The following EPCAM variants were observed in gnomAD, a reference collection of about 807,000 sequenced individuals.
EPCAM encodes the protein adenocarcinoma-associated antigen.
In EPCAM, 39 loss-of-function variants were observed where a neutral mutation model predicts 40.0. The ratio of observed to expected loss-of-function variants is 0.98; its 90% CI spans 0.76 to 1.27. EPCAM has a LOEUF of 1.27. Among genes scored for constraint, EPCAM ranks in the 50% most tolerant of loss-of-function variants. The probability of loss-of-function intolerance (pLI) is 0.00; values close to 1 mark genes in which losing one functional copy is unlikely to be tolerated. For missense variants in EPCAM, 503 were observed against 381.2 expected, an observed-to-expected ratio of 1.32 and a Z score of -2.66; for synonymous variants, 168 against 132.3, an observed-to-expected ratio of 1.27 and a Z score of -1.85.
intron 5 of EPCAM, 71 bp from the exon 6 acceptor site, chr2:47,378,882 C>A: frequency 1.3e-6 from 1 of 772,336 alleles, no homozygotes; most frequent in Non-Finnish European, 2.3e-6. Context: ...TTCTGATTCT[C>A]AATTAATGTT....
At chr2:47,372,976 CAGG>C (rs1671315612) in intron 1 of EPCAM, among the ~76,000 whole-genome samples, 2 of 151,862 alleles carry the variant, frequency 1.3e-5, no homozygotes, top group Admixed American at 1.3e-4. Flanking sequence ...GAGGCTGAGG[CAGG>C]AGGATTGCTT....
intron 1 of EPCAM, chr2:47,369,920 C>T (rs1171469981): frequency 1.2e-5 from 5 of 426,356 alleles, no homozygotes; most frequent in African/African-American, 1.0e-4. Context: ...GCACCCACGT[C>T]CTCGGTTCGG....
At chr2:47,378,528 C>T (rs1158139997) in intron 5 of EPCAM, among the ~76,000 whole-genome samples, 1 of 151,928 alleles carries the variant, frequency 6.6e-6, no homozygotes, top group African/African-American at 2.4e-5. Context: ...TCTTGAACTC[C>T]GGACCTCAGG....
chr2:47,376,248 TTCC>T (rs1671422105), intron 4 of EPCAM, among the ~76,000 whole-genome samples: 2 of 150,060 alleles, frequency 1.3e-5, no homozygotes, highest in Non-Finnish European at 2.9e-5. Context: ...TGTCTGATAT[TTCC>T]TCCTTTTTTT....
intron 1 of EPCAM, among the ~76,000 whole-genome samples, chr2:47,370,185 T>C (rs1307589925): frequency 6.6e-6 from 1 of 152,222 alleles, no homozygotes; most frequent in African/African-American, 2.4e-5. Context: ...AACGCAGAAA[T>C]AATAACCGTA....
chr2:47,369,633 GCGGCCCC>G (rs903767290), intron 1 of EPCAM, 52 bp downstream of exon 1: 46 of 1,510,622 alleles, frequency 3.0e-5, no homozygotes, highest in Non-Finnish European at 4.2e-5. Context: ...CTGGGGGGCA[GCGGCCCC>G]CGGCCCTCGG....
intron 1 of EPCAM, among the ~76,000 whole-genome samples, chr2:47,371,196 G>A (rs1219262596): frequency 1.3e-5 from 2 of 152,064 alleles, no homozygotes; most frequent in South Asian, 2.1e-4. Flanking sequence ...TTATTCAAAT[G>A]TTAGACATGT....
At chr2:47,380,068 C>T (rs1671549064) in intron 7 of EPCAM, 99 bp downstream of exon 7, 5 of 1,534,088 alleles carry the variant, frequency 3.3e-6, no homozygotes, top group Admixed American at 2.0e-5. Context: ...GTTATCCCTA[C>T]ACTTTGGGAG....
chr2:47,377,422 C>G (rs916546616), intron 5 of EPCAM, among the ~76,000 whole-genome samples: 1 of 151,640 alleles, frequency 6.6e-6, no homozygotes, highest in East Asian at 2.0e-4. Context: ...TTTTTAGTGT[C>G]GGCGGGGTTT....
At chr2:47,385,640 T>G (rs1010496909) in intron 8 of EPCAM, among the ~76,000 whole-genome samples, 10 of 152,204 alleles carry the variant, frequency 6.6e-5, no homozygotes, top group Non-Finnish European at 2.9e-5. Flanking sequence ...GACATCAAAG[T>G]GTCAGATTGT....
chr2:47,375,082 G>A (rs1013519148), intron 3 of EPCAM, 152 bp from the exon 4 acceptor site: 2 of 630,540 alleles, frequency 3.2e-6, no homozygotes, highest in Admixed American at 5.1e-5. Flanking sequence ...CCTTTATGAA[G>A]GATGTGTAAG....
chr2:47,379,127 A>G, intron 6 of EPCAM, 73 bp downstream of exon 6: 3 of 880,478 alleles, frequency 3.4e-6, no homozygotes, highest in South Asian at 2.7e-5. Flanking sequence ...AATATATTTC[A>G]TCACCTTTTT....
chr2:47,374,166 G>C lies in EPCAM; in HGVS notation c.425+118G>C, dbSNP rs560244623. On this transcript the variant is annotated intron_variant, in intron 3 of 8. Coordinates refer to ENST00000263735, the MANE Select transcript of EPCAM (RefSeq NM_002354.3). Reference sequence around the variant, plus strand: ...AGAATTCAGAAGATATGAGTGTCCAGTGAAAAGCTTCCTTCTCATTCCAGT... The same window carrying C: ...AGAATTCAGAAGATATGAGTGTCCACTGAAAAGCTTCCTTCTCATTCCAGT... 2.4e-6 allele frequency: 3 copies of C among 1,243,722 alleles called. No individual in the cohort carries two copies. In the East Asian group the frequency reaches 7.6e-5, roughly 31 times the overall value. 77.0% of individuals were successfully genotyped at this position (1,243,722 alleles called of 1,614,324 possible). A position where few individuals can be genotyped will look rare whatever the true frequency, so the allele number is the denominator to read the frequency against.
At chr2:47,375,162 G>C (rs2103749770) in intron 3 of EPCAM, 72 bp from the exon 4 acceptor site, 1 of 1,146,890 alleles carries the variant, frequency 8.7e-7, no homozygotes, top group East Asian at 2.4e-5. Flanking sequence ...GAGAATTTTA[G>C]GATTAGCTTA....
intron 2 of EPCAM, 59 bp from the exon 3 acceptor site, chr2:47,373,749 T>C: frequency 6.2e-7 from 1 of 1,609,910 alleles, no homozygotes. Flanking sequence ...TTAATTTTTT[T>C]TTTCCCGTAA....
rs116429842 is a variant in EPCAM, at chr2:47,369,555, C to G, written c.50C>G (p.Thr17Arg). The change falls in exon 1 of 9, where the codon ACG (threonine) becomes AGG (arginine). Residue 17 changes from threonine (T) to arginine (R), a missense_variant. Coordinates refer to ENST00000263735, the MANE Select transcript of EPCAM (RefSeq NM_002354.3). ...TTCGGGCTTCTGCTTGCCGCGGCGACGGCGACTTTTGCCGCAGCTCAGGAA... is the reference window on the plus strand; with the variant it reads ...TTCGGGCTTCTGCTTGCCGCGGCGAGGGCGACTTTTGCCGCAGCTCAGGAA... ...LAFGLLLAAA[T>R]ATFAAAQEEC... 6.3e-7 allele frequency: 1 copy of G among 1,588,512 alleles called. No homozygotes were observed. The highest frequency in any genetic ancestry group is 8.5e-7 in the Non-Finnish European group (1 of 1,170,974).
rs2103738567 is a variant in EPCAM at position 47,369,665 on chromosome 2, A to G, written c.76+84A>G. ...CCGGCCCTCGGCCCCCGAAACGGGC[A>G]TAATAGGGAGGGGACCAAGAGGCCG... On this transcript the variant is annotated intron_variant, in intron 1 of 8. Transcript: ENST00000263735. 7 of 1,360,870 alleles carry G rather than the reference A, an allele frequency of 5.1e-6. No homozygotes were observed. The East Asian group carries it at 7.4e-5, about 14-fold the overall frequency. 84.3% of individuals were successfully genotyped at this position (1,360,870 alleles called of 1,614,324 possible).
chr2:47,379,672 G>A, intron 6 of EPCAM, 97 bp from the exon 7 acceptor site: 1 of 1,344,152 alleles, frequency 7.4e-7, no homozygotes, highest in Non-Finnish European at 1.0e-6. Context: ...AAGATTCTTG[G>A]CAGCGGTTCT....
chr2:47,372,540 G>A (rs868120256), intron 1 of EPCAM, among the ~76,000 whole-genome samples: 7 of 152,250 alleles, frequency 4.6e-5, no homozygotes, highest in South Asian at 4.1e-4. Context: ...TTGGTAGGCC[G>A]AGGCGGACGG....
Sources: gnomAD v4.1 joint callset for allele counts (sites outside exome capture counted in the v4.1 genomes callset) on GRCh38, gnomAD v4.1.1 for gene constraint, MANE v1.5 for transcripts, NCBI Gene and HGNC (gene_info 2026-07-23, HGNC 2026-07-21) for gene names.